Variants in MVB12B observed in about 807,000 individuals in gnomAD.
The protein encoded by MVB12B is ESCRT-I complex subunit MVB12B.
A neutral mutation model predicts 41.6 loss-of-function variants in MVB12B; 16 were observed. That is an observed-to-expected ratio of 0.38 (90% CI 0.26 to 0.58). The LOEUF (loss-of-function observed/expected upper bound fraction) is 0.58, where lower values mean the gene tolerates loss of function less well. Ranked by LOEUF, MVB12B falls within the 20% of genes least tolerant of loss-of-function variation. The probability of loss-of-function intolerance (pLI) is 0.62; values close to 1 mark genes in which losing one functional copy is unlikely to be tolerated. For synonymous variants in MVB12B, 133 were observed against 139.7 expected, an observed-to-expected ratio of 0.95 and a Z score of 0.34; for missense variants, 274 against 380.2, an observed-to-expected ratio of 0.72 and a Z score of 2.32.
intron 5 of MVB12B, among the ~76,000 whole-genome samples, chr9:126,394,764 T>C (rs996931868): frequency 6.6e-6 from 1 of 152,172 alleles, no homozygotes; most frequent in Non-Finnish European, 1.5e-5. Flanking sequence ...AGAAGCTTAT[T>C]AGGGGTTCCC....
intron 7 of MVB12B, among the ~76,000 whole-genome samples, chr9:126,449,334 C>G (rs966566957): frequency 6.6e-6 from 1 of 152,096 alleles, no homozygotes; most frequent in Non-Finnish European, 1.5e-5. Flanking sequence ...GCACGTATTG[C>G]AGTCCACAGA....
chr9:126,343,788 G>A (rs531881958), intron 2 of MVB12B, among the ~76,000 whole-genome samples: 10 of 152,210 alleles, frequency 6.6e-5, no homozygotes, highest in Admixed American at 2.6e-4. Context: ...GTGGTGGTGC[G>A]TGCCTGTAAT....
intron 2 of MVB12B, among the ~76,000 whole-genome samples, chr9:126,366,716 C>G (rs1391078920): frequency 6.6e-6 from 1 of 152,188 alleles, no homozygotes; most frequent in Non-Finnish European, 1.5e-5. Context: ...GTAGTAGCCT[C>G]TCCCTCACTG....
chr9:126,335,865 T>A (rs892316386), intron 1 of MVB12B, among the ~76,000 whole-genome samples: 3 of 152,266 alleles, frequency 2.0e-5, no homozygotes, highest in African/African-American at 7.2e-5. Context: ...ATTAAGCCAC[T>A]GGTTTTGTCA....
In MVB12B at chr9:126,342,336, C is replaced by T. The variant is rs1204910565; in HGVS notation, c.204+1706C>T. The stretch of plus-strand genomic sequence containing the variant: ...TTGTTGATCTGTATCTTTAGCATTC[C>T]GTTTGTACCTTTAGGGTCATCCTGC... On this transcript the variant is annotated intron_variant, in intron 2 of 9. Transcript: ENST00000361171. 3.9e-5 allele frequency among the ~76,000 whole-genome samples: 6 copies of T among 152,210 alleles called. No homozygotes were observed. In the East Asian group the frequency reaches 1.2e-3, roughly 29 times the overall value.
At position 126,409,299 on chromosome 9, in the gene MVB12B, CTGTGTGTGTGTGTGTGTGTG is replaced by C. The variant is rs61211126; in HGVS notation, c.663-12527_663-12508del. ...TTGTCATCACTTTTGGTGAGTAACT[CTGTGTGTGTGTGTGTGTGTG>C]TGTGTGTGTGTGTGTGTGTGTGTGT... On this transcript the variant is annotated intron_variant, in intron 6 of 9. Transcript: ENST00000361171. 4.0e-3 allele frequency among the ~76,000 whole-genome samples: 559 copies of C among 138,116 alleles called. 3 individuals are homozygous for C. The highest frequency in any genetic ancestry group is 6.0e-3 in the Admixed American group (84 of 13,998). The allele number at this position is 138,116 out of a possible 152,430, so 90.6% of individuals were successfully genotyped here.
intron 6 of MVB12B, among the ~76,000 whole-genome samples, chr9:126,416,865 C>G (rs564127704): frequency 6.6e-6 from 1 of 152,208 alleles, no homozygotes; most frequent in East Asian, 1.9e-4. Flanking sequence ...AATCTCATCT[C>G]GCCAGAGACC....
At chr9:126,329,350 C>T (rs1829065457) in intron 1 of MVB12B, among the ~76,000 whole-genome samples, 1 of 152,204 alleles carries the variant, frequency 6.6e-6, no homozygotes. Context: ...GGTGGCGGTC[C>T]TCATGAAATT....
At chr9:126,499,975 G>A (rs1833919815) in intron 9 of MVB12B, among the ~76,000 whole-genome samples, 1 of 152,104 alleles carries the variant, frequency 6.6e-6, no homozygotes, top group African/African-American at 2.4e-5. Context: ...GCGGCACAGG[G>A]TCCCCACGAC....
chr9:126,329,708 AG>A (rs1340492025), intron 1 of MVB12B, among the ~76,000 whole-genome samples: 1 of 152,202 alleles, frequency 6.6e-6, no homozygotes, highest in Non-Finnish European at 1.5e-5. Context: ...GCTGGAGTCA[AG>A]CATGGGAAAA....
At chr9:126,424,928 G>T (rs1319423744) in intron 7 of MVB12B, among the ~76,000 whole-genome samples, 1 of 152,230 alleles carries the variant, frequency 6.6e-6, no homozygotes, top group East Asian at 1.9e-4. Context: ...AGTCAGGGGT[G>T]GGAGGTGGAT....
chr9:126,468,058 C>T lies in MVB12B; in HGVS notation c.758-13311C>T, dbSNP rs1482626209. Among the ~76,000 whole-genome samples, 1 of 152,142 alleles carries T rather than the reference C, an allele frequency of 6.6e-6. No individual in the cohort carries two copies. The highest frequency in any genetic ancestry group is 2.4e-5 in the African/African-American group (1 of 41,408). Reference sequence around the variant, plus strand: ...TCTGTCTACAACTACATATTAAAACCGACTTTATAATGATACATCTGATTT... The same window carrying T: ...TCTGTCTACAACTACATATTAAAACTGACTTTATAATGATACATCTGATTT... On this transcript the variant is annotated intron_variant, in intron 7 of 9. Coordinates refer to ENST00000361171, the MANE Select transcript of MVB12B (RefSeq NM_033446.3). The surrounding 1 kb of genome is among the most constrained non-coding windows in gnomAD (Gnocchi z 4.3).
rs781114118 is a variant in MVB12B at position 126,386,544 on chromosome 9, C to T, written c.313-18C>T. The T allele has an allele frequency of 6.3e-7, 1 of 1,599,174 alleles. No individual in the cohort carries two copies. The highest frequency in any genetic ancestry group is 8.6e-7 in the Non-Finnish European group (1 of 1,166,734). ...ATGTTCAGATTAATAGTCTGTATCTCTTTTCTTTCTTCCCAAGAGTCATCT... is the reference window on the plus strand; with the variant it reads ...ATGTTCAGATTAATAGTCTGTATCTTTTTTCTTTCTTCCCAAGAGTCATCT... On this transcript the variant is annotated intron_variant, in intron 3 of 9. Coordinates refer to ENST00000361171, the MANE Select transcript of MVB12B (RefSeq NM_033446.3). The surrounding 1 kb of genome is among the most constrained non-coding windows in gnomAD (Gnocchi z 4.3).
At chr9:126,412,121 C>G (rs1030189436) in intron 6 of MVB12B, among the ~76,000 whole-genome samples, 1 of 152,230 alleles carries the variant, frequency 6.6e-6, no homozygotes, top group Non-Finnish European at 1.5e-5. Context: ...AGAGCGGGCG[C>G]TCTAGAAGGT....
At chr9:126,443,475 C>A (rs1832692599) in intron 7 of MVB12B, among the ~76,000 whole-genome samples, 1 of 152,066 alleles carries the variant, frequency 6.6e-6, no homozygotes, top group South Asian at 2.1e-4. Context: ...GATATTTCTT[C>A]CTCTTTTAAA....
rs187107767 is a variant in MVB12B at position 126,420,878 on chromosome 9, G to A, written c.663-976G>A. On this transcript the variant is annotated intron_variant, in intron 6 of 9. Coordinates refer to ENST00000361171, the MANE Select transcript of MVB12B (RefSeq NM_033446.3). ...TGTTTATGCACAGCAGTCATTCTAG[G>A]TCACACATGTGCTGTGTGAAAAAGG... 1.1e-3 allele frequency among the ~76,000 whole-genome samples: 173 copies of A among 152,204 alleles called. 1 individual carries two copies. Among genetic ancestry groups the A allele is most frequent in the Non-Finnish European group, 7.8e-4 (53 of 68,020 alleles).
chr9:126,454,126 G>T (rs1379041376), intron 7 of MVB12B, among the ~76,000 whole-genome samples: 15 of 152,316 alleles, frequency 9.8e-5, no homozygotes, highest in Admixed American at 9.8e-4. Context: ...CTGAGAAATA[G>T]GCTTTCTTCT....
At chr9:126,503,057 T>C (rs1398921316) in intron 9 of MVB12B, 120 bp from the exon 10 acceptor site, 14 of 884,784 alleles carry the variant, frequency 1.6e-5, no homozygotes, top group East Asian at 2.6e-5. Flanking sequence ...AGCTGCGCCA[T>C]GTCAAGATGC....
intron 6 of MVB12B, chr9:126,396,352 T>C (rs1588137774): frequency 2.0e-6 from 2 of 985,526 alleles, no homozygotes; most frequent in East Asian, 1.1e-4. Context: ...AGGAGTAAAC[T>C]AAGGGCAAGG....
Sources: gnomAD v4.1 joint callset for allele counts (sites outside exome capture counted in the v4.1 genomes callset) on GRCh38, gnomAD v4.1.1 for gene constraint, Gnocchi (gnomAD v3.1) non-coding constraint, MANE v1.5 for transcripts, NCBI Gene and HGNC (gene_info 2026-07-23, HGNC 2026-07-21) for gene names.